CCZ1B: variants seen among roughly 807,000 people sequenced by gnomAD.
The protein encoded by CCZ1B is CCZ1B vacuolar protein trafficking and biogenesis associated, also known as vacuolar fusion protein CCZ1 homolog B.
CCZ1B carries 25 observed loss-of-function variants against 58.8 expected under a neutral mutation model. That is an observed-to-expected ratio of 0.43 (90% confidence interval 0.31 to 0.59). CCZ1B has a LOEUF of 0.59. CCZ1B is among the 20% of genes least tolerant of loss of function. The probability of loss-of-function intolerance (pLI) is 0.12; values close to 1 mark genes in which losing one functional copy is unlikely to be tolerated. For synonymous variants in CCZ1B, 66 were observed against 173.2 expected, an observed-to-expected ratio of 0.38 and a Z score of 4.86; for missense variants, 180 against 501.5, an observed-to-expected ratio of 0.36 and a Z score of 6.12.
rs1783080526 is a variant in CCZ1B, at chr7:6,819,889, C to T, written c.575G>A (p.Gly192Glu). ...QSCDLLDIFG[G>E]ISFFPLDKMT... ...TTTATCCAACGGGAAGAAGCTGATT[C>T]CACCAAAAATGTCAAGTAGGTCACA... is the stretch of plus-strand genomic sequence containing the variant. The change falls in exon 7 of 15, where the codon GGA (glycine) becomes GAA (glutamate). Residue 192 changes from glycine (G) to glutamate (E), a missense_variant. Coordinates refer to ENST00000316731, the MANE Select transcript of CCZ1B (RefSeq NM_198097.5). 1.9e-6 allele frequency: 3 copies of T among 1,601,768 alleles called. No homozygotes were observed. The highest frequency in any genetic ancestry group is 2.2e-5 in the East Asian group (1 of 44,854).
intron 4 of CCZ1B, among the ~76,000 whole-genome samples, 183 bp from the exon 5 acceptor site, chr7:6,823,543 G>A (rs1355907918): frequency 4.0e-5 from 5 of 124,688 alleles, no homozygotes; most frequent in African/African-American, 1.8e-4. Flanking sequence ...TTTTGAGATG[G>A]AGTCTCGCTC....
chr7:6,817,917 T>C (rs1044930550), intron 7 of CCZ1B, among the ~76,000 whole-genome samples: 4 of 148,722 alleles, frequency 2.7e-5, no homozygotes, highest in East Asian at 1.9e-4. Flanking sequence ...GGCAGGAGAA[T>C]TGCTTGAACC....
At chr7:6,825,301 T>C (rs1256798253) in intron 1 of CCZ1B, among the ~76,000 whole-genome samples, 2 of 146,866 alleles carry the variant, frequency 1.4e-5, no homozygotes. Flanking sequence ...GCAGTGGCGC[T>C]ATTACAGCTC....
chr7:6,815,818 A>G lies in CCZ1B; in HGVS notation c.699-973T>C, dbSNP rs1347095454. On this transcript the variant is annotated intron_variant, in intron 7 of 14. Transcript: ENST00000316731. ...GGTTGAATTCCGTGTAGGATTATGCAGGAAACCTCCAAAGCCACACTGTTT... is the reference window on the plus strand; with the variant it reads ...GGTTGAATTCCGTGTAGGATTATGCGGGAAACCTCCAAAGCCACACTGTTT... Among the ~76,000 whole-genome samples the G allele has an allele frequency of 8.7e-4, 124 of 143,214 alleles. 2 individuals are homozygous for G. The highest frequency in any genetic ancestry group is 1.8e-3 in the African/African-American group (66 of 36,914). The allele number at this position is 143,214 out of a possible 152,430, so 94.0% of individuals were successfully genotyped here.
At chr7:6,816,768 T>C (rs1783007353) in intron 7 of CCZ1B, among the ~76,000 whole-genome samples, 1 of 151,660 alleles carries the variant, frequency 6.6e-6, no homozygotes, top group Non-Finnish European at 1.5e-5. Flanking sequence ...TTTTTCTTTT[T>C]CTTAGACAGG....
chr7:6,814,870 T>C (rs1243738651), intron 7 of CCZ1B, 25 bp from the exon 8 acceptor site: 26 of 1,526,146 alleles, frequency 1.7e-5, no homozygotes, highest in Non-Finnish European at 2.2e-5. Flanking sequence ...AAGCACTGGG[T>C]TAAACGTTTC....
chr7:6,816,880 GT>G (rs1266207583), intron 7 of CCZ1B, among the ~76,000 whole-genome samples: 1 of 150,980 alleles, frequency 6.6e-6, no homozygotes, highest in African/African-American at 2.5e-5. Flanking sequence ...AACCTCTGTA[GT>G]CTCTGTAGTT....
intron 10 of CCZ1B, among the ~76,000 whole-genome samples, chr7:6,810,164 A>C (rs1448389542): frequency 2.0e-5 from 3 of 148,466 alleles, no homozygotes; most frequent in African/African-American, 7.7e-5. Context: ...GGCGTGCGCC[A>C]CCTCACCTGG....
In CCZ1B at chr7:6,815,803, C is replaced by T. The variant is rs948647225; in HGVS notation, c.699-958G>A. Among the ~76,000 whole-genome samples, 30 of 148,470 alleles carry T rather than the reference C, an allele frequency of 2.0e-4. 2 individuals carry two copies. Among genetic ancestry groups the T allele is most frequent in the African/African-American group, 6.9e-4 (27 of 39,054 alleles). On this transcript the variant is annotated intron_variant, in intron 7 of 14. Transcript: ENST00000316731. ...GGGATTGGACTCGCTGGTTGAATTC[C>T]GTGTAGGATTATGCAGGAAACCTCC...
At chr7:6,824,317 G>C in intron 3 of CCZ1B, 138 bp downstream of exon 3, 2 of 1,435,486 alleles carry the variant, frequency 1.4e-6, no homozygotes, top group Non-Finnish European at 1.9e-6. Context: ...GGAAGAACTT[G>C]ATTTTAAAAT....
chr7:6,822,184 G>A, intron 6 of CCZ1B, 97 bp downstream of exon 6: 2 of 1,510,890 alleles, frequency 1.3e-6, no homozygotes, highest in Non-Finnish European at 1.8e-6. Context: ...TCAAGTTCTG[G>A]GTTTTTTGTA....
chr7:6,822,648 TTC>T (rs1019177263), intron 5 of CCZ1B, among the ~76,000 whole-genome samples: 4 of 148,322 alleles, frequency 2.7e-5, no homozygotes, highest in African/African-American at 7.7e-5. Context: ...TCACCCACAT[TTC>T]TGTTTTTTTA....
chr7:6,816,423 G>A (rs1302846317), intron 7 of CCZ1B, among the ~76,000 whole-genome samples: 8 of 148,938 alleles, frequency 5.4e-5, no homozygotes, highest in Non-Finnish European at 3.0e-5. Flanking sequence ...GCAGGCTGAA[G>A]TGAGCTGAGA....
At chr7:6,816,687 G>A (rs577770916) in intron 7 of CCZ1B, among the ~76,000 whole-genome samples, 9 of 150,548 alleles carry the variant, frequency 6.0e-5, no homozygotes, top group South Asian at 2.1e-4. Context: ...TGTGCACCAC[G>A]CCTGGCTTAA....
intron 10 of CCZ1B, among the ~76,000 whole-genome samples, chr7:6,810,689 C>G (rs1782905192): frequency 6.7e-6 from 1 of 149,410 alleles, no homozygotes; most frequent in African/African-American, 2.5e-5. Flanking sequence ...CTCCTGGCCT[C>G]AAGTGATCCT....
chr7:6,817,390 C>A, intron 7 of CCZ1B, among the ~76,000 whole-genome samples: 1 of 150,904 alleles, frequency 6.6e-6, no homozygotes, highest in Non-Finnish European at 1.5e-5. Flanking sequence ...CATGGCGGGG[C>A]TTGTGTTCTG....
intron 12 of CCZ1B, among the ~76,000 whole-genome samples, chr7:6,802,036 G>C (rs1156539050): frequency 9.5e-6 from 1 of 105,270 alleles, no homozygotes; most frequent in African/African-American, 3.5e-5. Context: ...GTCCTTTACC[G>C]TAAAAGTCTG....
chr7:6,808,313 C>T (rs1455599752), intron 10 of CCZ1B, among the ~76,000 whole-genome samples: 1 of 120,856 alleles, frequency 8.3e-6, no homozygotes, highest in Non-Finnish European at 1.8e-5. Context: ...GGGCTGTCCA[C>T]ATGACCCCAA....
chr7:6,808,589 CT>C (rs1464549947), intron 10 of CCZ1B, among the ~76,000 whole-genome samples: 3 of 150,578 alleles, frequency 2.0e-5, no homozygotes, highest in Middle Eastern at 3.4e-3. Flanking sequence ...TTCCTTCCCC[CT>C]GGTTTTGTTT....
Sources: allele counts gnomAD v4.1 joint callset (sites outside exome capture counted in the v4.1 genomes callset), GRCh38; gene constraint gnomAD v4.1.1; transcripts MANE v1.5; gene names NCBI Gene and HGNC (gene_info 2026-07-23, HGNC 2026-07-21).